MECOM: variants seen among roughly 807,000 people sequenced by gnomAD.
The protein encoded by MECOM is histone-lysine N-methyltransferase MECOM.
In MECOM, 13 loss-of-function variants were observed where a neutral mutation model predicts 116.3. That is an observed-to-expected ratio of 0.11 (90% confidence interval 0.07 to 0.18). The LOEUF (loss-of-function observed/expected upper bound fraction) is 0.18, where lower values mean the gene tolerates loss of function less well. MECOM is among the 10% of genes least tolerant of loss of function. MECOM has a pLI of 1.00. For synonymous variants in MECOM, 528 were observed against 535.2 expected (o/e 0.99, Z 0.19); for missense variants, 1,299 against 1,509.0 (o/e 0.86, Z 2.31).
rs1481377370 is a variant in MECOM, at chr3:169,146,026, C to T, written c.376-2194G>A. 5 of 231,106 alleles carry T rather than the reference C, an allele frequency of 2.2e-5. No individual in the cohort carries two copies. The East Asian group carries it at 3.4e-4, about 16-fold the overall frequency. The allele number at this position is 231,106 out of a possible 1,614,324, so 14.3% of individuals were successfully genotyped here. A position where few individuals can be genotyped will look rare whatever the true frequency, so the allele number is the denominator to read the frequency against. On this transcript the variant is annotated intron_variant, in intron 2 of 16. Transcript: ENST00000651503. ...TTTGCTAGCAGAACTGCATTTGTCT[C>T]CCAAATGTCTTAATCGTGTCGGAAA...
intron 1 of MECOM, among the ~76,000 whole-genome samples, chr3:169,556,391 T>C (rs1762035962): frequency 6.6e-6 from 1 of 152,148 alleles, no homozygotes; most frequent in African/African-American, 2.4e-5. Flanking sequence ...CTTGAATGAC[T>C]TTGTTGAAGG....
At chr3:169,567,922 GA>G in intron 1 of MECOM, among the ~76,000 whole-genome samples, 1 of 152,276 alleles carries the variant, frequency 6.6e-6, no homozygotes, top group South Asian at 2.1e-4. Flanking sequence ...CAAAAAAGGA[GA>G]GGGGCAAAAT....
intron 2 of MECOM, among the ~76,000 whole-genome samples, chr3:169,296,229 A>G (rs1158205384): frequency 6.6e-6 from 1 of 152,170 alleles, no homozygotes; most frequent in Admixed American, 6.5e-5. Context: ...TCTTACTCAC[A>G]ACAATGATCT....
intron 2 of MECOM, among the ~76,000 whole-genome samples, chr3:169,355,087 G>T (rs1727032513): frequency 6.6e-6 from 1 of 151,800 alleles, no homozygotes; most frequent in South Asian, 2.1e-4. Context: ...CAATTTGTCG[G>T]GAAAAAAGGA....
intron 2 of MECOM, among the ~76,000 whole-genome samples, chr3:169,180,060 G>A (rs1577267635): frequency 6.6e-6 from 1 of 152,128 alleles, no homozygotes; most frequent in South Asian, 2.1e-4. Context: ...ATTTACTTTC[G>A]GAATTCCTTT....
At chr3:169,092,937 A>G (rs761731118) in intron 14 of MECOM, 21 bp downstream of exon 14, 1 of 1,613,480 alleles carries the variant, frequency 6.2e-7, no homozygotes, top group South Asian at 1.1e-5. Context: ...ACAGAGTTTA[A>G]AAAGTAAAAG....
intron 2 of MECOM, among the ~76,000 whole-genome samples, chr3:169,290,268 G>A (rs1714256083): frequency 6.6e-6 from 1 of 151,958 alleles, no homozygotes; most frequent in African/African-American, 2.4e-5. Context: ...GTAACTGGGG[G>A]AAAAAAACTA....
chr3:169,277,831 C>G (rs988609090), intron 2 of MECOM, among the ~76,000 whole-genome samples: 1 of 152,196 alleles, frequency 6.6e-6, no homozygotes, highest in African/African-American at 2.4e-5. Flanking sequence ...ACTCACACCG[C>G]AAAACATTCT....
At chr3:169,085,870 T>C (rs1050182596) in intron 16 of MECOM, among the ~76,000 whole-genome samples, 1 of 152,192 alleles carries the variant, frequency 6.6e-6, no homozygotes, top group Admixed American at 6.5e-5. Context: ...AAATGTTTGG[T>C]CTTGACTTGT....
At chr3:169,251,144 C>T (rs969973587) in intron 2 of MECOM, among the ~76,000 whole-genome samples, 7 of 152,150 alleles carry the variant, frequency 4.6e-5, no homozygotes, top group Admixed American at 2.0e-4. Context: ...AAAAGAGTAT[C>T]AAGAAAGTTC....
intron 1 of MECOM, among the ~76,000 whole-genome samples, chr3:169,501,053 A>G (rs970473939): frequency 2.0e-4 from 31 of 152,044 alleles, no homozygotes; most frequent in Admixed American, 3.3e-4. Context: ...CAGGAATACA[A>G]CTTACTTATC....
intron 2 of MECOM, among the ~76,000 whole-genome samples, chr3:169,336,462 G>A (rs970306288): frequency 6.6e-6 from 1 of 151,740 alleles, no homozygotes; most frequent in Non-Finnish European, 1.5e-5. Flanking sequence ...TTTTACTGAG[G>A]ATAATGTTAA....
intron 1 of MECOM, among the ~76,000 whole-genome samples, chr3:169,448,942 G>A (rs1745101834): frequency 6.6e-6 from 1 of 152,016 alleles, no homozygotes; most frequent in Admixed American, 6.6e-5. Flanking sequence ...TCCATACCAT[G>A]ATAAATTTTT....
intron 1 of MECOM, among the ~76,000 whole-genome samples, chr3:169,661,789 G>T (rs1445878366): frequency 3.3e-5 from 5 of 152,314 alleles, no homozygotes; most frequent in Non-Finnish European, 7.4e-5. Flanking sequence ...AATGTGCGAG[G>T]GTCGCGCGGG....
chr3:169,423,155 G>C (rs960992023), intron 1 of MECOM, among the ~76,000 whole-genome samples: 3 of 152,004 alleles, frequency 2.0e-5, no homozygotes, highest in Non-Finnish European at 2.9e-5. Context: ...AATGCTGCTG[G>C]TCTATGGATC....
In MECOM at chr3:169,329,551, G is replaced by C. The variant is rs1296538578; in HGVS notation, c.375+51636C>G. ...CCTTAATTCTTAATTCTGGAGAGCTGTTGGAATCCCACTGAATGAAGCCAT... is the reference window on the plus strand; with the variant it reads ...CCTTAATTCTTAATTCTGGAGAGCTCTTGGAATCCCACTGAATGAAGCCAT... On this transcript the variant is annotated intron_variant, in intron 2 of 16. Transcript: ENST00000651503. 2.6e-5 allele frequency among the ~76,000 whole-genome samples: 4 copies of C among 152,144 alleles called. No individual in the cohort carries two copies. The East Asian group carries it at 7.7e-4, about 29-fold the overall frequency.
chr3:169,433,635 G>GAA (rs1560268308), intron 1 of MECOM, among the ~76,000 whole-genome samples: 3 of 86,350 alleles, frequency 3.5e-5, no homozygotes, highest in South Asian at 3.9e-4. Context: ...GAAAGAAAGA[G>GAA]AAAGAGAAAG....
chr3:169,126,556 T>C (rs1732922020), intron 5 of MECOM, among the ~76,000 whole-genome samples: 2 of 152,194 alleles, frequency 1.3e-5, no homozygotes, highest in South Asian at 2.1e-4. Flanking sequence ...TGAAGATTTA[T>C]ATGAAGTGGC....
At chr3:169,319,053 G>A (rs576864764) in intron 2 of MECOM, among the ~76,000 whole-genome samples, 19 of 149,984 alleles carry the variant, frequency 1.3e-4, no homozygotes, top group East Asian at 5.9e-4. Flanking sequence ...AGCCAAGATC[G>A]CACCACTGCC....
Sources: allele counts gnomAD v4.1 joint callset (sites outside exome capture counted in the v4.1 genomes callset), GRCh38; gene constraint gnomAD v4.1.1; transcripts MANE v1.5; gene names NCBI Gene and HGNC (gene_info 2026-07-23, HGNC 2026-07-21).